The following CDKN2B-AS1 variants were observed in gnomAD, a reference collection of about 807,000 sequenced individuals.
CDKN2B-AS1 encodes the protein CDKN2B antisense RNA 1 (non-protein coding).
At chr9:22,060,390 G>C (rs907071565) in intron 4 of CDKN2B-AS1, among the ~76,000 whole-genome samples, 1 of 152,146 alleles carries the variant, frequency 6.6e-6, no homozygotes, top group Non-Finnish European at 1.5e-5. Context: ...AACCTAACAA[G>C]AGTCACATTT....
intron 4 of CDKN2B-AS1, among the ~76,000 whole-genome samples, chr9:22,113,150 T>C (rs1049839868): frequency 1.3e-5 from 2 of 152,200 alleles, no homozygotes; most frequent in Middle Eastern, 3.2e-3. Context: ...GGCTGGGTTC[T>C]CTGCTTAGAA....
Position 22,005,865 on chromosome 9 carries a change from A to G in CDKN2B-AS1, n.29+10704A>G. 1 of 1,329,464 alleles carries G rather than the reference A, an allele frequency of 7.5e-7. No homozygotes were observed. Among genetic ancestry groups the G allele is most frequent in the Non-Finnish European group, 1.0e-6 (1 of 963,506 alleles). The allele number at this position is 1,329,464 out of a possible 1,614,324, so 82.4% of individuals were successfully genotyped here. On this transcript the variant is annotated intron_variant and non_coding_transcript_variant, in intron 1 of 4. Transcript: ENST00000650946. This position sits in a 1 kb window ranked among gnomAD's most constrained non-coding sequence, Gnocchi z 4.9. ...CTCCTCCTTCCTGTGAGTCTCAGAC[A>G]GGCTTGCAGGCTTACAGGCTTTCCG...
In CDKN2B-AS1 at chr9:22,006,963, TATA is replaced by T. The variant is rs571158080; in HGVS notation, n.29+11806_29+11808del. ...ACAGTTCATCATTTTAAATTTAGAC[TATA>T]ATATTTTTAATGTAATATAAAACTA... is the stretch of plus-strand genomic sequence containing the variant. On this transcript the variant is annotated intron_variant and non_coding_transcript_variant, in intron 1 of 4. Coordinates refer to ENST00000650946, the Ensembl canonical transcript of CDKN2B-AS1. The surrounding 1 kb of genome is among the most constrained non-coding windows in gnomAD (Gnocchi z 6.4). Among the ~76,000 whole-genome samples, 9 of 152,186 alleles carry T rather than the reference TATA, an allele frequency of 5.9e-5. No individual in the cohort carries two copies. The highest frequency in any genetic ancestry group is 1.4e-4 in the African/African-American group (6 of 41,450).
intron 1 of CDKN2B-AS1, among the ~76,000 whole-genome samples, chr9:22,007,283 A>G (rs1015072279): frequency 2.0e-5 from 3 of 152,180 alleles, no homozygotes; most frequent in Non-Finnish European, 4.4e-5. Flanking sequence ...AATCGCTTGC[A>G]TCCTGGAAGA....
intron 4 of CDKN2B-AS1, among the ~76,000 whole-genome samples, chr9:22,060,859 T>G (rs1823787886): frequency 6.6e-6 from 1 of 152,044 alleles, no homozygotes; most frequent in Non-Finnish European, 1.5e-5. Context: ...ACCCATCAGA[T>G]CTCGTGAGAC....
At chr9:22,114,418 A>C (rs1825888496) in intron 4 of CDKN2B-AS1, among the ~76,000 whole-genome samples, 2 of 152,220 alleles carry the variant, frequency 1.3e-5, no homozygotes, top group African/African-American at 4.8e-5. Context: ...TCGCCGAGGT[A>C]AACCTTGTGG....
At position 22,009,548 on chromosome 9, in the gene CDKN2B-AS1, T is replaced by G. The variant is rs72550844; in HGVS notation, n.29+14387T>G. On this transcript the variant is annotated intron_variant and non_coding_transcript_variant, in intron 1 of 4. Coordinates refer to ENST00000650946, the Ensembl canonical transcript of CDKN2B-AS1. ...GGATGTCCAGTAAAGCCAAGGCTAA[T>G]ATTTTGGGAATGTTCACCACTGCCC... Among the ~76,000 whole-genome samples, 93 of 152,388 alleles carry G rather than the reference T, an allele frequency of 6.1e-4. No homozygotes were observed. In the South Asian group the frequency reaches 7.5e-3, roughly 12 times the overall value.
chr9:22,025,513 G>A (rs1344998139), intron 1 of CDKN2B-AS1, among the ~76,000 whole-genome samples: 1 of 152,094 alleles, frequency 6.6e-6, no homozygotes, highest in African/African-American at 2.4e-5. Flanking sequence ...TCCAGGCCTG[G>A]AGGACCTGCT....
rs149580179 is a variant in CDKN2B-AS1, at chr9:22,050,764, T to C, written n.302+1536T>C. ...GCTGGCACTGTCTAGGGAAGCTCCTTATGCTAACTCATGCTTCTTGCCATG... is the reference window on the plus strand; with the variant it reads ...GCTGGCACTGTCTAGGGAAGCTCCTCATGCTAACTCATGCTTCTTGCCATG... On this transcript the variant is annotated intron_variant and non_coding_transcript_variant, in intron 3 of 4. Transcript: ENST00000650946. Among the ~76,000 whole-genome samples the C allele has an allele frequency of 3.2e-3, 482 of 152,292 alleles. 5 individuals carry two copies. Among genetic ancestry groups the C allele is most frequent in the Middle Eastern group, 0.02 (6 of 294 alleles).
chr9:22,034,469 A>G (rs567058312), intron 1 of CDKN2B-AS1, among the ~76,000 whole-genome samples: 11 of 152,284 alleles, frequency 7.2e-5, no homozygotes, highest in Admixed American at 2.0e-4. Flanking sequence ...TAGGGAAGAG[A>G]TGAAGTAGTC....
chr9:22,091,986 A>T (rs1825106518), intron 4 of CDKN2B-AS1, among the ~76,000 whole-genome samples: 1 of 152,138 alleles, frequency 6.6e-6, no homozygotes, highest in South Asian at 2.1e-4. Flanking sequence ...TATTATTTTG[A>T]GATACATCCC....
rs192094541 is a variant in CDKN2B-AS1, at chr9:22,073,388, C to G, written n.438+17001C>G. Among the ~76,000 whole-genome samples, 33 of 152,242 alleles carry G rather than the reference C, an allele frequency of 2.2e-4. 1 individual carries two copies. The highest frequency in any genetic ancestry group is 2.1e-3 in the Admixed American group (32 of 15,292). ...TTTCTAAAAGCACTGTGCATCTAGG[C>G]TGGGAAGTATGCAAAATTAGCAAAA... On this transcript the variant is annotated intron_variant and non_coding_transcript_variant, in intron 4 of 4. Coordinates refer to ENST00000650946, the Ensembl canonical transcript of CDKN2B-AS1.
chr9:22,054,333 C>T (rs777294714), intron 3 of CDKN2B-AS1, among the ~76,000 whole-genome samples: 1 of 152,146 alleles, frequency 6.6e-6, no homozygotes, highest in Non-Finnish European at 1.5e-5. Flanking sequence ...ATCTAAAACA[C>T]GTAAGACACA....
At chr9:22,012,758 A>G (rs1011634247) in intron 1 of CDKN2B-AS1, among the ~76,000 whole-genome samples, 1 of 151,830 alleles carries the variant, frequency 6.6e-6, no homozygotes, top group Non-Finnish European at 1.5e-5. Flanking sequence ...GGAAATTCAT[A>G]ATCACTTTTG....
At chr9:22,123,725 T>C (rs370899878) in intron 4 of CDKN2B-AS1, among the ~76,000 whole-genome samples, 4 of 152,148 alleles carry the variant, frequency 2.6e-5, no homozygotes, top group East Asian at 3.9e-4. Context: ...AAGTCTGTTA[T>C]GTGGTAAAGG....
At chr9:22,123,569 C>A (rs972617316) in intron 4 of CDKN2B-AS1, among the ~76,000 whole-genome samples, 1 of 151,916 alleles carries the variant, frequency 6.6e-6, no homozygotes, top group Non-Finnish European at 1.5e-5. Context: ...GTAAGAGAGG[C>A]CAAAGAGCTG....
intron 1 of CDKN2B-AS1, among the ~76,000 whole-genome samples, chr9:22,038,193 A>G (rs569995653): frequency 4.3e-4 from 66 of 152,132 alleles, no homozygotes; most frequent in African/African-American, 1.5e-3. Context: ...ACATAAAATT[A>G]TGGATTTTTT....
intron 1 of CDKN2B-AS1, chr9:22,008,626 T>G (rs2131188919): frequency 1.3e-6 from 2 of 1,579,186 alleles, no homozygotes; most frequent in Non-Finnish European, 1.7e-6. Context: ...AATGTCTCTC[T>G]TTAGGATTTT....
intron 2 of CDKN2B-AS1, among the ~76,000 whole-genome samples, chr9:22,047,355 C>T (rs1427789654): frequency 6.6e-6 from 1 of 152,112 alleles, no homozygotes; most frequent in Non-Finnish European, 1.5e-5. Context: ...GAGGGAAAGA[C>T]CACATGCTGG....
Sources: allele counts gnomAD v4.1 joint callset (sites outside exome capture counted in the v4.1 genomes callset), GRCh38; gene constraint gnomAD v4.1.1; non-coding constraint Gnocchi (gnomAD v3.1); transcripts MANE v1.5; gene names NCBI Gene and HGNC (gene_info 2026-07-23, HGNC 2026-07-21).